Variants in GPC6 observed in about 807,000 individuals in gnomAD.
GPC6 encodes the protein glypican 6.
In GPC6, 14 loss-of-function variants were observed where a neutral mutation model predicts 55.2. The observed-to-expected ratio is 0.25, with a 90% CI of 0.17 to 0.40. The LOEUF (loss-of-function observed/expected upper bound fraction) is 0.40. Ranked by LOEUF, GPC6 falls within the 10% of genes least tolerant of loss-of-function variation. The pLI is 1.00. For synonymous variants in GPC6, 278 were observed against 259.6 expected (o/e 1.07, Z -0.68); for missense variants, 641 against 708.5 (o/e 0.90, Z 1.08).
chr13:93,263,599 A>C (rs946903556), intron 1 of GPC6, among the ~76,000 whole-genome samples: 1 of 152,094 alleles, frequency 6.6e-6, no homozygotes, highest in Non-Finnish European at 1.5e-5. Flanking sequence ...TCCTGACTTC[A>C]GGTGATCCAC....
chr13:93,551,688 T>TG (rs1212351669), intron 2 of GPC6, among the ~76,000 whole-genome samples: 5 of 152,082 alleles, frequency 3.3e-5, no homozygotes, highest in Non-Finnish European at 7.4e-5. Context: ...GAAGTGGAGG[T>TG]GGGGAAAGGA....
chr13:93,594,410 T>G (rs1877636371), intron 2 of GPC6, among the ~76,000 whole-genome samples: 1 of 152,092 alleles, frequency 6.6e-6, no homozygotes, highest in South Asian at 2.1e-4. Context: ...ATAAGTGAGT[T>G]ATACCATTTT....
At chr13:94,319,039 A>C (rs1876686074) in intron 6 of GPC6, among the ~76,000 whole-genome samples, 1 of 152,074 alleles carries the variant, frequency 6.6e-6, no homozygotes, top group Non-Finnish European at 1.5e-5. Flanking sequence ...CAATCTTTTT[A>C]TTTCAATTGG....
chr13:94,196,899 A>G (rs1566531191), intron 4 of GPC6, among the ~76,000 whole-genome samples: 1 of 152,242 alleles, frequency 6.6e-6, no homozygotes, highest in Non-Finnish European at 1.5e-5. Flanking sequence ...ATTGGCTGTT[A>G]TATTGGCTAA....
intron 4 of GPC6, among the ~76,000 whole-genome samples, chr13:94,173,022 A>T (rs983108048): frequency 1.3e-5 from 2 of 152,194 alleles, no homozygotes; most frequent in Non-Finnish European, 2.9e-5. Flanking sequence ...CAACAATGAG[A>T]TGTGTTGACT....
chr13:93,432,214 G>A (rs2139275821), intron 1 of GPC6, among the ~76,000 whole-genome samples: 1 of 152,284 alleles, frequency 6.6e-6, no homozygotes, highest in East Asian at 1.9e-4. Flanking sequence ...TGTAAGCGTT[G>A]CCTTTACCAA....
chr13:93,618,460 C>T (rs895229163), intron 2 of GPC6, among the ~76,000 whole-genome samples: 1 of 151,968 alleles, frequency 6.6e-6, no homozygotes, highest in Non-Finnish European at 1.5e-5. Context: ...TTGTACAGGG[C>T]TTAGGAAAGT....
chr13:93,661,406 T>C (rs577548198), intron 2 of GPC6, among the ~76,000 whole-genome samples: 2 of 151,994 alleles, frequency 1.3e-5, no homozygotes, highest in South Asian at 2.1e-4. Context: ...TACAGACAGG[T>C]ATTCACCATT....
intron 2 of GPC6, among the ~76,000 whole-genome samples, chr13:93,656,976 T>C (rs1001537898): frequency 6.6e-6 from 1 of 152,102 alleles, no homozygotes; most frequent in African/African-American, 2.4e-5. Flanking sequence ...GGTAAAACAT[T>C]CCATGCACAA....
chr13:94,372,359 C>T (rs1244075487), intron 6 of GPC6, among the ~76,000 whole-genome samples: 1 of 152,108 alleles, frequency 6.6e-6, no homozygotes, highest in Non-Finnish European at 1.5e-5. Context: ...GGTGCGCGCA[C>T]CGTGCGCGAG....
intron 1 of GPC6, among the ~76,000 whole-genome samples, chr13:93,281,658 A>C (rs1231635823): frequency 6.6e-6 from 1 of 152,154 alleles, no homozygotes; most frequent in Non-Finnish European, 1.5e-5. Flanking sequence ...TGCCAAAGAT[A>C]CAAAAAAAAT....
chr13:93,518,182 G>A (rs2139395246), intron 1 of GPC6, among the ~76,000 whole-genome samples: 1 of 152,054 alleles, frequency 6.6e-6, no homozygotes, highest in South Asian at 2.1e-4. Flanking sequence ...CTATCGAAGA[G>A]AAAATGGTGG....
chr13:94,326,465 A>G (rs1387742649), intron 6 of GPC6, among the ~76,000 whole-genome samples: 1 of 152,172 alleles, frequency 6.6e-6, no homozygotes, highest in Non-Finnish European at 1.5e-5. Flanking sequence ...AAAGAAAAAA[A>G]GTAGAATCAG....
chr13:94,329,029 CG>C lies in GPC6; in HGVS notation c.1152+22914del, dbSNP rs796245722. Among the ~76,000 whole-genome samples the C allele has an allele frequency of 5.5e-4, 83 of 151,850 alleles. 2 individuals carry two copies. The highest frequency in any genetic ancestry group is 4.1e-3 in the Admixed American group (62 of 15,254). On this transcript the variant is annotated intron_variant, in intron 6 of 8. Coordinates refer to ENST00000377047, the MANE Select transcript of GPC6 (RefSeq NM_005708.5). The stretch of plus-strand genomic sequence containing the variant: ...CTCTGGAGCTCCTGAGGAAGAACCC[CG>C]GGGGGGGCTGAAATGGAGTTGGTGA...
chr13:94,195,098 C>A (rs999054604), intron 4 of GPC6, among the ~76,000 whole-genome samples: 36 of 152,160 alleles, frequency 2.4e-4, no homozygotes, highest in African/African-American at 8.7e-4. Context: ...TGTGACTGCT[C>A]TTCTATTTAA....
chr13:94,282,166 C>A (rs1231105769), intron 4 of GPC6, among the ~76,000 whole-genome samples: 1 of 152,130 alleles, frequency 6.6e-6, no homozygotes, highest in African/African-American at 2.4e-5. Flanking sequence ...TTAGTCCATT[C>A]TTGTGCTTCT....
intron 7 of GPC6, 133 bp downstream of exon 7, chr13:94,382,683 A>G (rs1286503522): frequency 1.7e-6 from 2 of 1,192,112 alleles, no homozygotes; most frequent in Non-Finnish European, 2.4e-6. Flanking sequence ...TCACTTAGCA[A>G]CAGCTGTTGA....
chr13:93,910,792 C>A (rs1475260666), intron 3 of GPC6, among the ~76,000 whole-genome samples: 1 of 152,176 alleles, frequency 6.6e-6, no homozygotes, highest in Non-Finnish European at 1.5e-5. Context: ...CTGACAGTAT[C>A]AGAAAATTCT....
chr13:94,007,617 C>A (rs948517461), intron 3 of GPC6, among the ~76,000 whole-genome samples: 1 of 152,092 alleles, frequency 6.6e-6, no homozygotes, highest in African/African-American at 2.4e-5. Context: ...TCGTCCTTTT[C>A]CCCCTTTAAG....
Sources: allele counts gnomAD v4.1 joint callset (sites outside exome capture counted in the v4.1 genomes callset), GRCh38; gene constraint gnomAD v4.1.1; transcripts MANE v1.5; gene names NCBI Gene and HGNC (gene_info 2026-07-23, HGNC 2026-07-21).